CPA6: variants seen among roughly 807,000 people sequenced by gnomAD.
CPA6 encodes the protein carboxypeptidase B.
In CPA6, 58 loss-of-function variants were observed where a neutral mutation model predicts 63.3. The observed-to-expected ratio is 0.92, with a 90% CI of 0.74 to 1.14. The LOEUF is 1.14. Among genes scored for constraint, CPA6 ranks in the 50% most tolerant of loss-of-function variants. CPA6 has a pLI of 0.00. For missense variants in CPA6, 565 were observed against 526.6 expected (o/e 1.07, Z -0.71); for synonymous variants, 185 against 179.0 (o/e 1.03, Z -0.27).
At chr8:67,647,034 G>A (rs1043733267) in intron 1 of CPA6, among the ~76,000 whole-genome samples, 1 of 152,194 alleles carries the variant, frequency 6.6e-6, no homozygotes, top group Non-Finnish European at 1.5e-5. Flanking sequence ...CAGGGAAAGG[G>A]AAGAGAAAGG....
chr8:67,619,104 T>C (rs1815022218), intron 2 of CPA6, among the ~76,000 whole-genome samples: 1 of 152,244 alleles, frequency 6.6e-6, no homozygotes. Flanking sequence ...AACATGCACA[T>C]GCATTTTGCA....
At chr8:67,456,002 A>G (rs1563959902) in intron 8 of CPA6, among the ~76,000 whole-genome samples, 1 of 152,232 alleles carries the variant, frequency 6.6e-6, no homozygotes, top group Non-Finnish European at 1.5e-5. Context: ...AGCATGAGCC[A>G]TTATGACTGT....
At chr8:67,452,248 G>A (rs750883110) in intron 8 of CPA6, 2 of 148,702 alleles carry the variant, frequency 1.3e-5, no homozygotes, top group Non-Finnish European at 2.9e-5. Flanking sequence ...TATGGAGCAG[G>A]GAAATAGGGC....
intron 8 of CPA6, among the ~76,000 whole-genome samples, chr8:67,450,866 C>T (rs538084077): frequency 2.6e-5 from 4 of 152,242 alleles, no homozygotes; most frequent in East Asian, 3.9e-4. Flanking sequence ...ACATGATGTG[C>T]GAAGAGTGGC....
At chr8:67,535,745 A>G (rs889246159) in intron 2 of CPA6, among the ~76,000 whole-genome samples, 1 of 152,154 alleles carries the variant, frequency 6.6e-6, no homozygotes, top group Non-Finnish European at 1.5e-5. Flanking sequence ...TTTTGTTGCA[A>G]TTAATTTTGG....
chr8:67,648,331 A>G (rs1167614009), intron 1 of CPA6, among the ~76,000 whole-genome samples: 1 of 130,952 alleles, frequency 7.6e-6, no homozygotes, highest in African/African-American at 3.0e-5. Context: ...TAAAATTAGT[A>G]TTTACATTTT....
intron 2 of CPA6, among the ~76,000 whole-genome samples, chr8:67,520,638 A>T (rs988945881): frequency 1.3e-5 from 2 of 152,208 alleles, no homozygotes; most frequent in Non-Finnish European, 2.9e-5. Context: ...TCTACTTTAT[A>T]GATATCTTTA....
At chr8:67,706,498 T>G (rs1386570595) in intron 1 of CPA6, among the ~76,000 whole-genome samples, 3 of 152,148 alleles carry the variant, frequency 2.0e-5, no homozygotes, top group Non-Finnish European at 4.4e-5. Context: ...GAAATGGGAA[T>G]GTGGATTTTT....
chr8:67,570,327 T>C (rs571401244), intron 2 of CPA6, among the ~76,000 whole-genome samples: 12 of 152,210 alleles, frequency 7.9e-5, no homozygotes, highest in Non-Finnish European at 1.6e-4. Flanking sequence ...GGGAGTTCTT[T>C]AAACTGAAAC....
At chr8:67,451,526 A>G (rs1053607721) in intron 8 of CPA6, among the ~76,000 whole-genome samples, 1 of 152,218 alleles carries the variant, frequency 6.6e-6, no homozygotes, top group Non-Finnish European at 1.5e-5. Flanking sequence ...ATATATCACA[A>G]TGTAGTAATA....
At chr8:67,678,966 AAG>A (rs1816536770) in intron 1 of CPA6, among the ~76,000 whole-genome samples, 1 of 152,230 alleles carries the variant, frequency 6.6e-6, no homozygotes, top group Admixed American at 6.5e-5. Flanking sequence ...CTCAGACAGA[AAG>A]AGTTTGTTTC....
Position 67,528,063 on chromosome 8 carries a change from C to T in CPA6, c.193-10016G>A, listed in dbSNP as rs191451778. Among the ~76,000 whole-genome samples, 238 of 152,262 alleles carry T rather than the reference C, an allele frequency of 1.6e-3. 2 individuals are homozygous for T. The highest frequency in any genetic ancestry group is 5.3e-3 in the African/African-American group (220 of 41,564). On this transcript the variant is annotated intron_variant, in intron 2 of 10. Coordinates refer to ENST00000297770, the MANE Select transcript of CPA6 (RefSeq NM_020361.5). ...CAACATGCTTTTATTCACTGTTTAC[C>T]GAAAGCCTGCAGAATTTCAGCCATT...
At chr8:67,659,137 G>A (rs1477558644) in intron 1 of CPA6, among the ~76,000 whole-genome samples, 1 of 152,186 alleles carries the variant, frequency 6.6e-6, no homozygotes, top group African/African-American at 2.4e-5. Flanking sequence ...TCCTCTCCAT[G>A]CGTTTCTTGT....
intron 2 of CPA6, among the ~76,000 whole-genome samples, chr8:67,552,412 A>G (rs924742): frequency 0.53 from 80,160 of 152,046 alleles, 24,714 homozygotes; most frequent in East Asian, 0.72. Context: ...GGTGCTCAAT[A>G]TATATCAATG....
chr8:67,607,251 T>TCTTCTCCTCCTC (rs1554679725), intron 2 of CPA6, among the ~76,000 whole-genome samples: 18 of 81,124 alleles, frequency 2.2e-4, no homozygotes, highest in African/African-American at 4.6e-4. Flanking sequence ...TTCTTCTTCT[T>TCTTCTCCTCCTC]CTCCTCCTCC....
chr8:67,700,563 G>GT (rs1454504555), intron 1 of CPA6, among the ~76,000 whole-genome samples: 2 of 152,158 alleles, frequency 1.3e-5, no homozygotes, highest in Non-Finnish European at 2.9e-5. Flanking sequence ...TTAAAACAAT[G>GT]TAGTATAATC....
intron 8 of CPA6, among the ~76,000 whole-genome samples, chr8:67,482,194 G>A (rs543785001): frequency 5.3e-5 from 8 of 152,362 alleles, no homozygotes; most frequent in African/African-American, 1.9e-4. Context: ...CATAGGCAGA[G>A]CTGGCTGCTG....
At chr8:67,661,260 CA>C (rs1271353473) in intron 1 of CPA6, among the ~76,000 whole-genome samples, 1 of 152,078 alleles carries the variant, frequency 6.6e-6, no homozygotes, top group Admixed American at 6.6e-5. Flanking sequence ...GGGAGAAGAG[CA>C]AATGCAGAGG....
chr8:67,734,421 G>A (rs1278944720), intron 1 of CPA6, among the ~76,000 whole-genome samples: 2 of 151,136 alleles, frequency 1.3e-5, no homozygotes, highest in Non-Finnish European at 2.9e-5. Context: ...CCAAAACATT[G>A]AAGTAATTTT....
Sources: gnomAD v4.1 joint callset for allele counts (sites outside exome capture counted in the v4.1 genomes callset) on GRCh38, gnomAD v4.1.1 for gene constraint, MANE v1.5 for transcripts, NCBI Gene and HGNC (gene_info 2026-07-23, HGNC 2026-07-21) for gene names.